Variants in GABBR1 observed in about 807,000 individuals in gnomAD.
The protein encoded by GABBR1 is GABA-B receptor, R1 subunit.
In GABBR1, 35 loss-of-function variants were observed where a neutral mutation model predicts 117.7. That is an observed-to-expected ratio of 0.30 (90% CI 0.23 to 0.39). The LOEUF (loss-of-function observed/expected upper bound fraction) is 0.39. Among genes scored for constraint, GABBR1 ranks in the 10% least tolerant of loss-of-function variants. The pLI, the probability that GABBR1 is intolerant of heterozygous loss-of-function variation, is 1.00. For synonymous variants in GABBR1, 442 were observed against 486.6 expected, an observed-to-expected ratio of 0.91 and a Z score of 1.21; for missense variants, 709 against 1,241.8, an observed-to-expected ratio of 0.57 and a Z score of 6.45.
intron 4 of GABBR1, chr6:29,629,336 C>T (rs1325012407): frequency 4.4e-6 from 3 of 675,652 alleles, no homozygotes; most frequent in East Asian, 2.7e-5. Flanking sequence ...GAATTTGAGA[C>T]GGGAATGCCA....
At position 29,604,659 on chromosome 6, in the gene GABBR1, T is replaced by G. The variant is rs1761768134; in HGVS notation, c.2569-22A>C. On this transcript the variant is annotated intron_variant, in intron 21 of 22. Coordinates refer to ENST00000377034, the MANE Select transcript of GABBR1 (RefSeq NM_001470.4). The surrounding 1 kb of genome is among the most constrained non-coding windows in gnomAD (Gnocchi z 5.3). ...GCATCTGGGGGCAAATGTTTGGGCG[T>G]GGGGTGGCCCAGCAAGGACTGTACT... 1 of 1,612,942 alleles carries G rather than the reference T, an allele frequency of 6.2e-7. No homozygotes were observed. Among genetic ancestry groups the G allele is most frequent in the Non-Finnish European group, 8.5e-7 (1 of 1,179,966 alleles).
rs1026941148 is a variant in GABBR1, at chr6:29,608,394, A to T, written c.1992+207T>A. ...CATGGCAACCTTGGAACTGACAAGT[A>T]AACTACAGAATGAAAATGGCCTGCA... On this transcript the variant is annotated intron_variant, in intron 16 of 22. Transcript: ENST00000377034. 14 of 553,714 alleles carry T rather than the reference A, an allele frequency of 2.5e-5. No individual in the cohort carries two copies. The East Asian group carries it at 4.1e-4, about 16-fold the overall frequency. The allele number at this position is 553,714 out of a possible 1,614,324, so 34.3% of individuals were successfully genotyped here. A position where few individuals can be genotyped will look rare whatever the true frequency, so the allele number is the denominator to read the frequency against.
chr6:29,622,241 G>T lies in GABBR1; in HGVS notation c.964-36C>A. On this transcript the variant is annotated intron_variant, in intron 8 of 22. Coordinates refer to ENST00000377034, the MANE Select transcript of GABBR1 (RefSeq NM_001470.4). This position sits in a 1 kb window ranked among gnomAD's most constrained non-coding sequence, Gnocchi z 4.6. ...AATAAAAAACAAGTTGGAAAAACAC[G>T]GGGTGCATGAGGGAATAAAGACCAG... 7.1e-7 allele frequency: 1 copy of T among 1,410,622 alleles called. No homozygotes were observed. The highest frequency in any genetic ancestry group is 1.2e-5 in the South Asian group (1 of 86,114). 87.4% of individuals were successfully genotyped at this position (1,410,622 alleles called of 1,614,324 possible). A position where few individuals can be genotyped will look rare whatever the true frequency, so the allele number is the denominator to read the frequency against.
chr6:29,609,498 T>G lies in GABBR1; in HGVS notation c.1709-119A>C. ...AGATTGCTGATGGACATTCAGTCAT[T>G]GGCTGGGGACATGAGGCCCTAACTG... On this transcript the variant is annotated intron_variant, in intron 14 of 22. Transcript: ENST00000377034. This position sits in a 1 kb window ranked among gnomAD's most constrained non-coding sequence, Gnocchi z 4.3. 1.2e-6 allele frequency: 1 copy of G among 841,440 alleles called. No individual in the cohort carries two copies. Among genetic ancestry groups the G allele is most frequent in the Non-Finnish European group, 1.9e-6 (1 of 532,564 alleles). The allele number at this position is 841,440 out of a possible 1,614,324, so 52.1% of individuals were successfully genotyped here. A position where few individuals can be genotyped will look rare whatever the true frequency, so the allele number is the denominator to read the frequency against.
Position 29,609,285 on chromosome 6 carries a change from C to T in GABBR1, c.1803G>A (p.Leu601=). The change falls in exon 15 of 23, where the codon CTG becomes CTA. Residue 601 remains leucine, a synonymous_variant. Coordinates refer to ENST00000377034, the MANE Select transcript of GABBR1 (RefSeq NM_001470.4). The surrounding 1 kb of genome is among the most constrained non-coding windows in gnomAD (Gnocchi z 4.3). ...LFISVSVLSS[L]GIVLAVVCLS... ...GACAGACAACAGCTAGGACAATGCC[C>T]AGGCTGGAGAGAACTGAGACGGAGA... is the stretch of plus-strand genomic sequence containing the variant. 1 of 1,612,994 alleles carries T rather than the reference C, an allele frequency of 6.2e-7. No individual in the cohort carries two copies. The highest frequency in any genetic ancestry group is 8.5e-7 in the Non-Finnish European group (1 of 1,180,000).
At position 29,622,125 on chromosome 6, in the gene GABBR1, A is replaced by G. The variant is rs764169982; in HGVS notation, c.1044T>C (p.Ala348=). ...TFRQSFFSDP[A]VPVKNLKRQD... ...TGACCTTCAGGTTTTTGACGGGCAC[A>G]GCTGGATCTGAGAAGAAACTCTGGC... is the stretch of plus-strand genomic sequence containing the variant. The change falls in exon 9 of 23, where the codon GCT becomes GCC. Residue 348 remains alanine (A), a synonymous_variant. Transcript: ENST00000377034. The surrounding 1 kb of genome is among the most constrained non-coding windows in gnomAD (Gnocchi z 4.6). 1.9e-6 allele frequency: 3 copies of G among 1,614,178 alleles called. No homozygotes were observed. The highest frequency in any genetic ancestry group is 3.3e-5 in the Admixed American group (2 of 60,032).
At chr6:29,615,120 A>G (rs1210267531) in intron 11 of GABBR1, among the ~76,000 whole-genome samples, 1 of 151,164 alleles carries the variant, frequency 6.6e-6, no homozygotes, top group Non-Finnish European at 1.5e-5. Context: ...CCCCATCTCT[A>G]CTAAAATACA....
Position 29,606,607 on chromosome 6 carries a change from A to C in GABBR1, c.2218-123T>G. 1 of 743,626 alleles carries C rather than the reference A, an allele frequency of 1.3e-6. No individual in the cohort carries two copies. Among genetic ancestry groups the C allele is most frequent in the Non-Finnish European group, 2.4e-6 (1 of 419,488 alleles). The allele number at this position is 743,626 out of a possible 1,614,324, so 46.1% of individuals were successfully genotyped here. On this transcript the variant is annotated intron_variant, in intron 18 of 22. Transcript: ENST00000377034. The surrounding 1 kb of genome is among the most constrained non-coding windows in gnomAD (Gnocchi z 4.5). ...ACCCTCAATGCTGATGCCAAATCTC[A>C]TTCTAGGCCTAAGAATGTTTTCCTG...
chr6:29,616,678 C>CT (rs1020272344), intron 11 of GABBR1, among the ~76,000 whole-genome samples: 1 of 149,100 alleles, frequency 6.7e-6, no homozygotes. Context: ...GAGCAAGACT[C>CT]TATCTCGAGA....
chr6:29,623,069 G>A lies in GABBR1; in HGVS notation c.963+236C>T, dbSNP rs891568848. Among the ~76,000 whole-genome samples, 1 of 152,078 alleles carries A rather than the reference G, an allele frequency of 6.6e-6. No homozygotes were observed. The highest frequency in any genetic ancestry group is 2.4e-5 in the African/African-American group (1 of 41,386). ...GTCATTCTGGGTCTATATGTCTGGG[G>A]AACAGGGCATCAAACAGGGGAAAAA... On this transcript the variant is annotated intron_variant, in intron 8 of 22. Coordinates refer to ENST00000377034, the MANE Select transcript of GABBR1 (RefSeq NM_001470.4). This position sits in a 1 kb window ranked among gnomAD's most constrained non-coding sequence, Gnocchi z 6.2.
At position 29,627,924 on chromosome 6, in the gene GABBR1, C is replaced by T. The variant is rs1305188977; in HGVS notation, c.497-278G>A. On this transcript the variant is annotated intron_variant, in intron 5 of 22. Transcript: ENST00000377034. The surrounding 1 kb of genome is among the most constrained non-coding windows in gnomAD (Gnocchi z 4.4). ...TTTTGTGGGGAGGAGGGGGCGAGGG[C>T]CCCGGAGAAGCAGGGAAGGTTGGCT... 3 of 1,356,978 alleles carry T rather than the reference C, an allele frequency of 2.2e-6. No homozygotes were observed. The East Asian group carries it at 9.2e-5, about 41-fold the overall frequency. The allele number at this position is 1,356,978 out of a possible 1,614,324, so 84.1% of individuals were successfully genotyped here.
rs962648293 is a variant in GABBR1, at chr6:29,632,908, C to T, written c.-59G>A. On this transcript the variant is annotated 5_prime_UTR_variant, in exon 1 of 23. Transcript: ENST00000377034. This position sits in a 1 kb window ranked among gnomAD's most constrained non-coding sequence, Gnocchi z 5.8. Reference sequence around the variant, plus strand: ...CGGGCCTCAAGGCCCCAGGCCCGGCCGCTCCTCCCCGCTCCCCCCTCCCTT... The same window carrying T: ...CGGGCCTCAAGGCCCCAGGCCCGGCTGCTCCTCCCCGCTCCCCCCTCCCTT... The T allele has an allele frequency of 4.5e-6, 1 of 222,600 alleles. No homozygotes were observed. The highest frequency in any genetic ancestry group is 2.4e-5 in the African/African-American group (1 of 41,610). 13.8% of individuals were successfully genotyped at this position (222,600 alleles called of 1,614,324 possible). A position where few individuals can be genotyped will look rare whatever the true frequency, so the allele number is the denominator to read the frequency against.
In GABBR1 at chr6:29,611,282, T is replaced by C. The variant is rs1002270786; in HGVS notation, c.1631-281A>G. On this transcript the variant is annotated intron_variant, in intron 13 of 22. Transcript: ENST00000377034. This position sits in a 1 kb window ranked among gnomAD's most constrained non-coding sequence, Gnocchi z 4.6. The stretch of plus-strand genomic sequence containing the variant: ...ACAACATGTCTGCCACCTATTCCAT[T>C]CCTCACACCTCTCTCGGCGAGATGT... 1.1e-5 allele frequency: 4 copies of C among 362,504 alleles called. No homozygotes were observed. Among genetic ancestry groups the C allele is most frequent in the Non-Finnish European group, 1.5e-5 (3 of 201,980 alleles). The allele number at this position is 362,504 out of a possible 1,614,324, so 22.5% of individuals were successfully genotyped here. A position where few individuals can be genotyped will look rare whatever the true frequency, so the allele number is the denominator to read the frequency against.
chr6:29,606,493 G>A lies in GABBR1; in HGVS notation c.2218-9C>T. ...TCCTCCTTGGCAAATGTCTAGGGCA[G>A]AAACAAGGTCACAAGAAAGATGGTT... On this transcript the variant is annotated splice_polypyrimidine_tract_variant and intron_variant, in intron 18 of 22. Coordinates refer to ENST00000377034, the MANE Select transcript of GABBR1 (RefSeq NM_001470.4). This position sits in a 1 kb window ranked among gnomAD's most constrained non-coding sequence, Gnocchi z 4.5. 1 of 1,590,232 alleles carries A rather than the reference G, an allele frequency of 6.3e-7. No individual in the cohort carries two copies. Among genetic ancestry groups the A allele is most frequent in the Non-Finnish European group, 8.6e-7 (1 of 1,159,032 alleles).
At chr6:29,610,517 C>T (rs1168168942) in intron 14 of GABBR1, among the ~76,000 whole-genome samples, 4 of 152,090 alleles carry the variant, frequency 2.6e-5, no homozygotes, top group South Asian at 2.1e-4. Flanking sequence ...TTTCCCTCCT[C>T]CTCCATAGTT....
In GABBR1 at chr6:29,620,719, T is replaced by C. The variant is rs1582995804; in HGVS notation, c.1323+382A>G. ...ACACTAACATAAATCACCAAGAAAA[T>C]GAAATGCAATTCTGCCCAGACACAG... is the stretch of plus-strand genomic sequence containing the variant. On this transcript the variant is annotated intron_variant, in intron 11 of 22. Coordinates refer to ENST00000377034, the MANE Select transcript of GABBR1 (RefSeq NM_001470.4). This position sits in a 1 kb window ranked among gnomAD's most constrained non-coding sequence, Gnocchi z 4.5. Among the ~76,000 whole-genome samples, 1 of 151,426 alleles carries C rather than the reference T, an allele frequency of 6.6e-6. No individual in the cohort carries two copies. Among genetic ancestry groups the C allele is most frequent in the East Asian group, 1.9e-4 (1 of 5,168 alleles).
chr6:29,609,863 A>G lies in GABBR1; in HGVS notation c.1709-484T>C, dbSNP rs371945628. On this transcript the variant is annotated intron_variant, in intron 14 of 22. Transcript: ENST00000377034. The surrounding 1 kb of genome is among the most constrained non-coding windows in gnomAD (Gnocchi z 4.3). ...GACACCTATTCTTAAGACAAACAAA[A>G]AAAGAAGGAAAGCTAATCTGAAATT... Among the ~76,000 whole-genome samples, 52 of 152,236 alleles carry G rather than the reference A, an allele frequency of 3.4e-4. No homozygotes were observed. In the East Asian group the frequency reaches 4.4e-3, roughly 13 times the overall value.
Position 29,632,144 on chromosome 6 carries a change from G to A in GABBR1, c.85+157C>T, listed in dbSNP as rs747764554. ...GGATAGTAACGTGGGGTGACAGAAG[G>A]AGGTCAGCAGTAGTAAAGTCGGGCC... On this transcript the variant is annotated intron_variant, in intron 2 of 22. Coordinates refer to ENST00000377034, the MANE Select transcript of GABBR1 (RefSeq NM_001470.4). This position sits in a 1 kb window ranked among gnomAD's most constrained non-coding sequence, Gnocchi z 5.8. 1.5e-4 allele frequency among the ~76,000 whole-genome samples: 23 copies of A among 152,204 alleles called. No homozygotes were observed. Among genetic ancestry groups the A allele is most frequent in the South Asian group, 4.1e-4 (2 of 4,826 alleles).
At chr6:29,626,752 TCTC>T (rs1181969231) in intron 6 of GABBR1, among the ~76,000 whole-genome samples, 2 of 151,898 alleles carry the variant, frequency 1.3e-5, no homozygotes, top group East Asian at 1.9e-4. Flanking sequence ...TCTGTTCTCT[TCTC>T]CTTGTATGTT....
Sources: gnomAD v4.1 joint callset for allele counts (sites outside exome capture counted in the v4.1 genomes callset) on GRCh38, gnomAD v4.1.1 for gene constraint, Gnocchi (gnomAD v3.1) non-coding constraint, MANE v1.5 for transcripts, NCBI Gene and HGNC (gene_info 2026-07-23, HGNC 2026-07-21) for gene names.